C12orf54: variants seen among roughly 807,000 people sequenced by gnomAD.
The protein encoded by C12orf54 is chromosome 12 open reading frame 54, also known as uncharacterized protein C12orf54.
Under a neutral mutation model 26.4 loss-of-function variants are expected in C12orf54, and 24 were observed. That is an observed-to-expected ratio of 0.91 (90% CI 0.66 to 1.28). The LOEUF is 1.28. C12orf54 is among the 50% of genes most tolerant of loss of function. The probability of loss-of-function intolerance (pLI) is 0.00; values close to 1 mark genes in which losing one functional copy is unlikely to be tolerated. For missense variants in C12orf54, 154 were observed against 150.9 expected, an observed-to-expected ratio of 1.02 and a Z score of -0.11; for synonymous variants, 54 against 47.0, an observed-to-expected ratio of 1.15 and a Z score of -0.61.
the C12orf54 span, among the ~76,000 whole-genome samples, chr12:48,462,323 T>A: frequency 6.6e-6 from 1 of 151,484 alleles, no homozygotes; most frequent in Non-Finnish European, 1.5e-5. Context: ...ATTTAAATAA[T>A]AAATAATAAA....
chr12:48,493,894 T>C (rs1937849432), intron 7 of C12orf54, among the ~76,000 whole-genome samples: 1 of 148,482 alleles, frequency 6.7e-6, no homozygotes, highest in Admixed American at 6.8e-5. Flanking sequence ...CGCCATGTAC[T>C]TCAGAGGGCT....
chr12:48,481,196 TAG>T (rs1260520836), upstream of C12orf54, among the ~76,000 whole-genome samples: 4 of 118,226 alleles, frequency 3.4e-5, no homozygotes, highest in Non-Finnish European at 6.5e-5. Flanking sequence ...AAAATAAAAA[TAG>T]AGTTTTTTTT....
At chr12:48,437,440 C>A in the C12orf54 span, among the ~76,000 whole-genome samples, 1 of 152,074 alleles carries the variant, frequency 6.6e-6, no homozygotes, top group Non-Finnish European at 1.5e-5. Context: ...CGGGCAGAGA[C>A]ACAACAAAAA....
chr12:48,460,890 G>C, the C12orf54 span, among the ~76,000 whole-genome samples: 2 of 151,860 alleles, frequency 1.3e-5, no homozygotes, highest in Admixed American at 6.6e-5. Context: ...GAATAGCTAA[G>C]ACAAATAGAA....
intron 4 of C12orf54, chr12:48,488,495 A>AAAT (rs67325885): frequency 1.5e-5 from 5 of 334,534 alleles, no homozygotes; most frequent in East Asian, 8.0e-5. Flanking sequence ...AAAAAAAAAA[A>AAAT]GAAAGAAAGA....
the C12orf54 span, among the ~76,000 whole-genome samples, chr12:48,450,334 A>G: frequency 5.9e-5 from 9 of 152,228 alleles, no homozygotes; most frequent in Non-Finnish European, 1.3e-4. Context: ...CAGCTAAAGC[A>G]GTGTTAAGAG....
At chr12:48,443,214 G>A in the C12orf54 span, among the ~76,000 whole-genome samples, 2 of 152,186 alleles carry the variant, frequency 1.3e-5, no homozygotes, top group Non-Finnish European at 1.5e-5. Context: ...TGTTGCTGTT[G>A]TTTTATTATT....
chr12:48,449,922 C>T, the C12orf54 span, among the ~76,000 whole-genome samples: 3 of 152,122 alleles, frequency 2.0e-5, no homozygotes, highest in South Asian at 2.1e-4. Context: ...GGGCCAGTCT[C>T]ATGAGATGTG....
At chr12:48,475,364 C>T in the C12orf54 span, among the ~76,000 whole-genome samples, 1 of 152,296 alleles carries the variant, frequency 6.6e-6, no homozygotes, top group Admixed American at 6.5e-5. Flanking sequence ...GAATGCAGCT[C>T]CTCACCAGCA....
chr12:48,455,766 A>G, the C12orf54 span, among the ~76,000 whole-genome samples: 1 of 152,210 alleles, frequency 6.6e-6, no homozygotes, highest in Non-Finnish European at 1.5e-5. Flanking sequence ...TGAAAAATGT[A>G]TCCATGAGGT....
chr12:48,441,440 G>A, the C12orf54 span, among the ~76,000 whole-genome samples: 1 of 152,090 alleles, frequency 6.6e-6, no homozygotes, highest in African/African-American at 2.4e-5. Flanking sequence ...TCCAGCCTGG[G>A]CGACCAAAAG....
intron 5 of C12orf54, among the ~76,000 whole-genome samples, chr12:48,489,709 G>A (rs189981274): frequency 8.7e-5 from 13 of 150,274 alleles, no homozygotes; most frequent in African/African-American, 2.7e-4. Context: ...GAGGCATTGC[G>A]CCCAGCCTAA....
intron 4 of C12orf54, among the ~76,000 whole-genome samples, chr12:48,487,581 AAG>A (rs1352340855): frequency 1.1e-4 from 17 of 152,236 alleles, no homozygotes; most frequent in Admixed American, 3.9e-4. Context: ...TTGCTTGTGT[AAG>A]AGTCAAAAGA....
chr12:48,462,222 A>T, the C12orf54 span, among the ~76,000 whole-genome samples: 1 of 151,744 alleles, frequency 6.6e-6, no homozygotes, highest in East Asian at 1.9e-4. Flanking sequence ...GAATAGCCCT[A>T]TTAAATATTT....
At chr12:48,476,572 C>G in the C12orf54 span, among the ~76,000 whole-genome samples, 1 of 151,756 alleles carries the variant, frequency 6.6e-6, no homozygotes. Flanking sequence ...AAATGGAAAA[C>G]AAAAAAAGGC....
the C12orf54 span, among the ~76,000 whole-genome samples, chr12:48,448,870 A>G: frequency 6.6e-6 from 1 of 152,236 alleles, no homozygotes. Flanking sequence ...CATGTGCCCA[A>G]GGTGGTCAGG....
intron 2 of C12orf54, among the ~76,000 whole-genome samples, chr12:48,484,841 C>T (rs1458652453): frequency 2.0e-5 from 3 of 152,184 alleles, no homozygotes; most frequent in Non-Finnish European, 1.5e-5. Flanking sequence ...TCACATGTAC[C>T]TCATAAATAT....
chr12:48,433,447 C>T, the C12orf54 span, among the ~76,000 whole-genome samples: 1 of 35,292 alleles, frequency 2.8e-5, no homozygotes, highest in Non-Finnish European at 5.8e-5. Context: ...GTGCAACAAG[C>T]TTTTTTTTGG....
At chr12:48,440,977 G>C in the C12orf54 span, among the ~76,000 whole-genome samples, 1 of 152,208 alleles carries the variant, frequency 6.6e-6, no homozygotes, top group East Asian at 1.9e-4. Context: ...TATCAAGGTG[G>C]TAAAGAAAAC....
Sources: allele counts gnomAD v4.1 joint callset (sites outside exome capture counted in the v4.1 genomes callset), GRCh38; gene constraint gnomAD v4.1.1; transcripts MANE v1.5; gene names NCBI Gene and HGNC (gene_info 2026-07-23, HGNC 2026-07-21).